Variants in MAGI1 observed in about 807,000 individuals in gnomAD.
MAGI1 encodes the protein membrane associated guanylate kinase, WW and PDZ domain containing 1.
Under a neutral mutation model 139.9 loss-of-function variants are expected in MAGI1, and 58 were observed. That is an observed-to-expected ratio of 0.41 (90% CI 0.34 to 0.52). The LOEUF is 0.52. MAGI1 is among the 20% of genes least tolerant of loss of function. MAGI1 has a pLI of 0.12. For missense variants in MAGI1, 1,874 were observed against 1,901.6 expected (o/e 0.99, Z 0.27); for synonymous variants, 812 against 737.9 (o/e 1.10, Z -1.63).
In MAGI1 at chr3:66,038,547, T is replaced by G; in HGVS notation, c.-239A>C. 1 of 501,422 alleles carries G rather than the reference T, an allele frequency of 2.0e-6. No homozygotes were observed. The allele number at this position is 501,422 out of a possible 1,614,324, so 31.1% of individuals were successfully genotyped here. On this transcript the variant is annotated 5_prime_UTR_variant, in exon 1 of 23. Transcript: ENST00000402939. ...AGGCGCCCGCGAGCTTTGTTTGCAT[T>G]CCGGTGCCTCTGGGTCCACGTTCCG...
intron 1 of MAGI1, among the ~76,000 whole-genome samples, chr3:65,646,211 A>T (rs113591428): frequency 7.2e-5 from 11 of 152,224 alleles, no homozygotes; most frequent in African/African-American, 2.6e-4. Context: ...GATAGAAAAA[A>T]ATATGCAAAC....
intron 12 of MAGI1, among the ~76,000 whole-genome samples, chr3:65,423,873 G>A (rs568047287): frequency 6.6e-6 from 1 of 152,260 alleles, no homozygotes; most frequent in Admixed American, 6.5e-5. Context: ...CAAATCTTAT[G>A]CAGGTTTTCC....
chr3:65,702,093 A>T (rs2089656657), intron 1 of MAGI1, among the ~76,000 whole-genome samples: 1 of 152,258 alleles, frequency 6.6e-6, no homozygotes, highest in South Asian at 2.1e-4. Context: ...ACTGAAGATG[A>T]CAAATCTGAA....
intron 1 of MAGI1, among the ~76,000 whole-genome samples, chr3:65,950,083 A>C (rs59033351): frequency 2.0e-4 from 15 of 74,848 alleles, no homozygotes; most frequent in South Asian, 4.3e-4. Context: ...AAAAACAAAA[A>C]AAAAAACAAA....
intron 3 of MAGI1, among the ~76,000 whole-genome samples, chr3:65,485,798 AC>A (rs1951588908): frequency 6.6e-6 from 1 of 152,238 alleles, no homozygotes; most frequent in Admixed American, 6.5e-5. Context: ...TGATATTTAC[AC>A]AAGTCAAAGA....
At chr3:65,726,914 A>G (rs1369010088) in intron 1 of MAGI1, among the ~76,000 whole-genome samples, 1 of 151,274 alleles carries the variant, frequency 6.6e-6, no homozygotes. Context: ...CAGGTTGAGT[A>G]TCCCTAATCC....
chr3:65,936,954 ATGGTGG>A (rs1191208437), intron 1 of MAGI1, among the ~76,000 whole-genome samples: 1 of 148,356 alleles, frequency 6.7e-6, no homozygotes, highest in Admixed American at 6.7e-5. Context: ...GGTGATGGTG[ATGGTGG>A]TGGTGGTGGT....
intron 2 of MAGI1, among the ~76,000 whole-genome samples, chr3:65,598,295 T>C (rs1448203928): frequency 6.6e-6 from 1 of 152,040 alleles, no homozygotes; most frequent in East Asian, 1.9e-4. Flanking sequence ...CATGGCCCTG[T>C]GGGAGCCCCT....
At chr3:65,491,468 C>T (rs1173459729) in intron 3 of MAGI1, among the ~76,000 whole-genome samples, 1 of 152,226 alleles carries the variant, frequency 6.6e-6, no homozygotes, top group African/African-American at 2.4e-5. Flanking sequence ...TCCTCTTTTG[C>T]TTTGTACAAC....
intron 2 of MAGI1, among the ~76,000 whole-genome samples, chr3:65,595,236 T>C (rs997564261): frequency 2.6e-5 from 4 of 152,242 alleles, no homozygotes; most frequent in African/African-American, 7.2e-5. Context: ...AAATCAGCTA[T>C]AGTCATTACT....
intron 1 of MAGI1, among the ~76,000 whole-genome samples, chr3:65,719,602 G>C (rs1309153206): frequency 6.7e-6 from 1 of 150,104 alleles, no homozygotes. Flanking sequence ...CTGGAGTACA[G>C]TGGCATAATC....
chr3:65,495,972 TTATTC>T (rs1387218934), intron 2 of MAGI1, among the ~76,000 whole-genome samples: 2 of 152,142 alleles, frequency 1.3e-5, no homozygotes, highest in Non-Finnish European at 2.9e-5. Context: ...ACTTCATATT[TTATTC>T]TAAGGATAAT....
intron 2 of MAGI1, among the ~76,000 whole-genome samples, chr3:65,621,364 T>C (rs1215795556): frequency 6.6e-6 from 1 of 152,262 alleles, no homozygotes; most frequent in African/African-American, 2.4e-5. Context: ...TCCTATGTTC[T>C]GTGTCTTGTT....
intron 2 of MAGI1, among the ~76,000 whole-genome samples, chr3:65,512,353 C>T (rs377665924): frequency 1.4e-5 from 2 of 144,502 alleles, no homozygotes; most frequent in South Asian, 4.7e-4. Context: ...TTCAAAAAAT[C>T]AATGAATCCA....
rs1245533811 is a variant in MAGI1 at position 65,356,166 on chromosome 3, T to C, written c.*212A>G. The C allele has an allele frequency of 3.2e-5, 14 of 441,872 alleles. No homozygotes were observed. Among genetic ancestry groups the C allele is most frequent in the Non-Finnish European group, 4.5e-5 (12 of 265,540 alleles). The allele number at this position is 441,872 out of a possible 1,614,324, so 27.4% of individuals were successfully genotyped here. On this transcript the variant is annotated 3_prime_UTR_variant, in exon 23 of 23. Coordinates refer to ENST00000402939, the MANE Select transcript of MAGI1 (RefSeq NM_001033057.2). ...AATAATTTCCAAAAAAGTATGCATT[T>C]AAAAATACTTTCTTTAATATGATAC...
At chr3:65,656,979 C>CA (rs58817001) in intron 1 of MAGI1, among the ~76,000 whole-genome samples, 12,656 of 73,654 alleles carry the variant, frequency 0.17, 1,586 homozygotes, top group Non-Finnish European at 0.25. Flanking sequence ...GACACCATCT[C>CA]AAAAAAAAAA....
At chr3:66,025,085 T>A (rs892622943) in intron 1 of MAGI1, among the ~76,000 whole-genome samples, 1 of 152,198 alleles carries the variant, frequency 6.6e-6, no homozygotes, top group African/African-American at 2.4e-5. Flanking sequence ...TTCGCTAAAA[T>A]GTATGTATGA....
At chr3:65,798,692 A>G (rs970083467) in intron 1 of MAGI1, among the ~76,000 whole-genome samples, 29 of 152,330 alleles carry the variant, frequency 1.9e-4, no homozygotes, top group Admixed American at 1.6e-3. Context: ...CAGCTACAGT[A>G]GTCCCCCCAT....
chr3:65,384,571 C>T (rs935173464), intron 14 of MAGI1, among the ~76,000 whole-genome samples: 8 of 151,940 alleles, frequency 5.3e-5, no homozygotes, highest in African/African-American at 1.9e-4. Flanking sequence ...CTTGTCTCTA[C>T]AAAAAATAAA....
Sources: allele counts gnomAD v4.1 joint callset (sites outside exome capture counted in the v4.1 genomes callset), GRCh38; gene constraint gnomAD v4.1.1; transcripts MANE v1.5; gene names NCBI Gene and HGNC (gene_info 2026-07-23, HGNC 2026-07-21).